ADAMTS20: variants seen among roughly 807,000 people sequenced by gnomAD.
ADAMTS20 encodes the protein ADAM metallopeptidase with thrombospondin type 1 motif 20, also known as A disintegrin and metalloproteinase with thrombospondin motifs 20.
Under a neutral mutation model 260.1 loss-of-function variants are expected in ADAMTS20, and 225 were observed. The observed-to-expected ratio is 0.87, with a 90% CI of 0.78 to 0.97. The LOEUF (loss-of-function observed/expected upper bound fraction) is 0.97. ADAMTS20 is among the 50% of genes least tolerant of loss of function. ADAMTS20 has a pLI of 0.00. For synonymous variants in ADAMTS20, 802 were observed against 769.5 expected (o/e 1.04, Z -0.70); for missense variants, 2,400 against 2,337.7 (o/e 1.03, Z -0.55).
rs1044676669 is a variant in ADAMTS20, at chr12:43,437,569, G to A, written c.2593+2053C>T. Reference sequence around the variant, plus strand: ...AATTGGAAAACAAGCCAGAAAACAAGAACTTCAAAATTCTAAAGAAAAACA... The same window carrying A: ...AATTGGAAAACAAGCCAGAAAACAAAAACTTCAAAATTCTAAAGAAAAACA... On this transcript the variant is annotated intron_variant, in intron 18 of 38. Transcript: ENST00000389420. Among the ~76,000 whole-genome samples the A allele has an allele frequency of 2.6e-4, 40 of 152,124 alleles. 1 individual carries two copies. The highest frequency in any genetic ancestry group is 9.6e-4 in the African/African-American group (40 of 41,514).
intron 2 of ADAMTS20, among the ~76,000 whole-genome samples, chr12:43,550,418 C>A (rs1238416838): frequency 6.6e-6 from 1 of 152,164 alleles, no homozygotes; most frequent in African/African-American, 2.4e-5. Flanking sequence ...ATCCCCATAC[C>A]ATCAACAAAA....
chr12:43,507,689 G>A (rs1223962870), intron 3 of ADAMTS20, among the ~76,000 whole-genome samples: 1 of 152,096 alleles, frequency 6.6e-6, no homozygotes, highest in South Asian at 2.1e-4. Context: ...TAGAATAGAT[G>A]GTTTCTGTGC....
At chr12:43,355,697 C>T (rs1377244695) in intron 38 of ADAMTS20, among the ~76,000 whole-genome samples, 2 of 151,950 alleles carry the variant, frequency 1.3e-5, no homozygotes, top group African/African-American at 4.8e-5. Flanking sequence ...TAACCTAGAT[C>T]CAGATTTACT....
intron 28 of ADAMTS20, among the ~76,000 whole-genome samples, chr12:43,422,441 G>A (rs1340391856): frequency 6.6e-6 from 1 of 151,912 alleles, no homozygotes; most frequent in Non-Finnish European, 1.5e-5. Context: ...ACTGAAAGAG[G>A]TAAAATGTTA....
chr12:43,398,392 G>C (rs1465323143), intron 29 of ADAMTS20, among the ~76,000 whole-genome samples: 1 of 152,116 alleles, frequency 6.6e-6, no homozygotes, highest in Non-Finnish European at 1.5e-5. Context: ...TTGTCAGCCA[G>C]GGTCTCATTT....
At chr12:43,402,048 T>G (rs1351311609) in intron 28 of ADAMTS20, among the ~76,000 whole-genome samples, 2 of 151,966 alleles carry the variant, frequency 1.3e-5, no homozygotes, top group Non-Finnish European at 2.9e-5. Flanking sequence ...CACATCAATC[T>G]TTCACTTCCC....
chr12:43,519,124 T>C (rs552267639), intron 3 of ADAMTS20, among the ~76,000 whole-genome samples: 1 of 152,260 alleles, frequency 6.6e-6, no homozygotes, highest in African/African-American at 2.4e-5. Flanking sequence ...TGACAGTAGC[T>C]TCCACTGTTA....
intron 11 of ADAMTS20, among the ~76,000 whole-genome samples, chr12:43,455,236 T>C (rs944602094): frequency 2.7e-5 from 4 of 146,720 alleles, no homozygotes; most frequent in African/African-American, 8.3e-5. Context: ...TAAAAATGAA[T>C]AATATTCCAT....
intron 32 of ADAMTS20, among the ~76,000 whole-genome samples, chr12:43,377,158 T>C (rs781716807): frequency 6.6e-6 from 1 of 152,230 alleles, no homozygotes; most frequent in South Asian, 2.1e-4. Context: ...GAAATAAGTA[T>C]GAGTTATGGT....
chr12:43,448,165 A>C (rs1941797050), intron 14 of ADAMTS20, among the ~76,000 whole-genome samples: 1 of 152,144 alleles, frequency 6.6e-6, no homozygotes, highest in Admixed American at 6.5e-5. Context: ...GAACCAAAAA[A>C]AGAGCCTGAA....
chr12:43,508,500 G>A (rs1942876705), intron 3 of ADAMTS20, among the ~76,000 whole-genome samples: 1 of 152,132 alleles, frequency 6.6e-6, no homozygotes. Context: ...AAACTTTATA[G>A]AAATGAGTTA....
intron 2 of ADAMTS20, among the ~76,000 whole-genome samples, chr12:43,539,663 A>G (rs1306514914): frequency 1.3e-5 from 2 of 152,290 alleles, no homozygotes; most frequent in Non-Finnish European, 1.5e-5. Flanking sequence ...TATAAGAAGT[A>G]AAAAAGACAT....
rs967652154 is a variant in ADAMTS20, at chr12:43,492,535, G to A, written c.1046C>T (p.Ser349Phe). 1.2e-6 allele frequency: 2 copies of A among 1,613,726 alleles called. No homozygotes were observed. The highest frequency in any genetic ancestry group is 1.3e-5 in the African/African-American group (1 of 74,900). Residue 349 changes from serine to phenylalanine, a missense_variant, in exon 6 of 39, where the codon TCC becomes TTC. Transcript: ENST00000389420. ...TQNDLDDVHPSHHDTAVLITR... is the reference protein window; with the variant it reads ...TQNDLDDVHPFHHDTAVLITR... ...GATAAGAACAGCAGTGTCATGGTGG[G>A]AAGGGTGAACATCATCAAGGTCATT...
At chr12:43,517,362 C>G (rs560153388) in intron 3 of ADAMTS20, among the ~76,000 whole-genome samples, 1 of 151,790 alleles carries the variant, frequency 6.6e-6, no homozygotes, top group African/African-American at 2.4e-5. Flanking sequence ...AATATAGGGC[C>G]AATATTTTAA....
chr12:43,530,146 T>C (rs995993308), intron 3 of ADAMTS20, among the ~76,000 whole-genome samples: 1 of 152,176 alleles, frequency 6.6e-6, no homozygotes, highest in Non-Finnish European at 1.5e-5. Context: ...TGTAGCTTTC[T>C]AGTAAATCTT....
chr12:43,515,800 T>A (rs1382489039), intron 3 of ADAMTS20, among the ~76,000 whole-genome samples: 1 of 152,210 alleles, frequency 6.6e-6, no homozygotes, highest in African/African-American at 2.4e-5. Context: ...TATTTTTAGA[T>A]GTTGACAAAA....
In ADAMTS20 at chr12:43,460,981, TA is replaced by T. The variant is rs1389469608; in HGVS notation, c.1614+1913del. 9.8e-4 allele frequency among the ~76,000 whole-genome samples: 58 copies of T among 59,030 alleles called. 1 individual carries two copies. The highest frequency in any genetic ancestry group is 1.8e-3 in the African/African-American group (30 of 16,530). 38.7% of individuals were successfully genotyped at this position (59,030 alleles called of 152,430 possible). A position where few individuals can be genotyped will look rare whatever the true frequency, so the allele number is the denominator to read the frequency against. Reference sequence around the variant, plus strand: ...CAACTAAATTATATATATATATATATATATATATTTTTTTTTTTTTTTTTTT... The same window carrying T: ...CAACTAAATTATATATATATATATATTATATATTTTTTTTTTTTTTTTTTT... On this transcript the variant is annotated intron_variant, in intron 11 of 38. Coordinates refer to ENST00000389420, the MANE Select transcript of ADAMTS20 (RefSeq NM_025003.5).
At chr12:43,404,302 A>G (rs879323627) in intron 28 of ADAMTS20, among the ~76,000 whole-genome samples, 2 of 152,062 alleles carry the variant, frequency 1.3e-5, no homozygotes, top group African/African-American at 2.4e-5. Flanking sequence ...AGGAAATAAT[A>G]CCAACGCACC....
At chr12:43,389,589 C>T (rs950322933) in intron 29 of ADAMTS20, among the ~76,000 whole-genome samples, 2 of 152,096 alleles carry the variant, frequency 1.3e-5, no homozygotes, top group Non-Finnish European at 2.9e-5. Flanking sequence ...TGCCTATGGC[C>T]CTTCCAGACT....
Sources: gnomAD v4.1 joint callset for allele counts (sites outside exome capture counted in the v4.1 genomes callset) on GRCh38, gnomAD v4.1.1 for gene constraint, MANE v1.5 for transcripts, NCBI Gene and HGNC (gene_info 2026-07-23, HGNC 2026-07-21) for gene names.